Variants in DHX34 observed in about 807,000 individuals in gnomAD.
The protein encoded by DHX34 is DExH-box helicase 34, also known as probable ATP-dependent RNA helicase DHX34.
In DHX34, 96 loss-of-function variants were observed where a neutral mutation model predicts 111.1. The ratio of observed to expected loss-of-function variants is 0.86; its 90% CI spans 0.73 to 1.02. The LOEUF (loss-of-function observed/expected upper bound fraction) is 1.02, where lower values mean the gene tolerates loss of function less well. Among genes scored for constraint, DHX34 ranks in the 50% least tolerant of loss-of-function variants. DHX34 has a pLI of 0.00. For synonymous variants in DHX34, 688 were observed against 670.4 expected, an observed-to-expected ratio of 1.03 and a Z score of -0.41; for missense variants, 1,560 against 1,579.9, an observed-to-expected ratio of 0.99 and a Z score of 0.21.
intron 1 of DHX34, among the ~76,000 whole-genome samples, chr19:47,350,982 C>T (rs997461185): frequency 5.9e-5 from 9 of 151,844 alleles, no homozygotes; most frequent in African/African-American, 2.2e-4. Context: ...CACTGAAGGC[C>T]ATGAGCCCAG....
chr19:47,370,916 C>T (rs767412632), intron 7 of DHX34, among the ~76,000 whole-genome samples: 3 of 152,170 alleles, frequency 2.0e-5, no homozygotes, highest in Non-Finnish European at 4.4e-5. Context: ...TCAAGTGATC[C>T]GCCAGCCTCG....
intron 6 of DHX34, among the ~76,000 whole-genome samples, chr19:47,365,060 C>T (rs929852231): frequency 6.6e-6 from 1 of 151,942 alleles, no homozygotes; most frequent in Non-Finnish European, 1.5e-5. Context: ...TCAGCAGAAC[C>T]GGGTCATATG....
At chr19:47,380,013 C>G (rs749529027) in intron 14 of DHX34, 28 bp downstream of exon 14, 41 of 1,551,506 alleles carry the variant, frequency 2.6e-5, no homozygotes, top group African/African-American at 2.4e-4. Flanking sequence ...GCCCGTGCCT[C>G]CCTATGGCCA....
chr19:47,356,031 A>G (rs1293837503), intron 3 of DHX34, among the ~76,000 whole-genome samples: 2 of 152,156 alleles, frequency 1.3e-5, no homozygotes, highest in East Asian at 3.8e-4. Context: ...CAAAGTCAGC[A>G]AGATTGACAT....
intron 7 of DHX34, among the ~76,000 whole-genome samples, chr19:47,371,215 G>A (rs1010241212): frequency 1.1e-4 from 17 of 152,214 alleles, no homozygotes; most frequent in African/African-American, 3.9e-4. Context: ...GGAGGTGATG[G>A]TAAATGCCTC....
Position 47,375,969 on chromosome 19 carries a change from G to C in DHX34, c.2353G>C (p.Ala785Pro), listed in dbSNP as rs201958568. 1 of 1,603,192 alleles carries C rather than the reference G, an allele frequency of 6.2e-7. No individual in the cohort carries two copies. Among genetic ancestry groups the C allele is most frequent in the Non-Finnish European group, 8.5e-7 (1 of 1,177,546 alleles). The change falls in exon 11 of 17, where the codon GCT (alanine) becomes CCT (proline). Residue 785 changes from alanine to proline, a missense_variant. Physicochemically the swap from Ala to Pro is conservative, Grantham distance 27 (BLOSUM62 -1). Coordinates refer to ENST00000328771, the MANE Select transcript of DHX34 (RefSeq NM_014681.6). ...GCATGACCTGGCGCAGCTGCAGGCC[G>C]CTGCCAGCTCAGCCCAGGACCTGAG... Reference protein sequence around the residue: ...LRHDLAQLQAAASSAQDLSRE... With the variant: ...LRHDLAQLQAPASSAQDLSRE...
intron 13 of DHX34, among the ~76,000 whole-genome samples, chr19:47,378,837 A>G (rs1008517141): frequency 2.6e-5 from 4 of 152,014 alleles, no homozygotes; most frequent in Non-Finnish European, 5.9e-5. Flanking sequence ...ACACTGTCTC[A>G]AAAAATAATA....
intron 9 of DHX34, among the ~76,000 whole-genome samples, chr19:47,375,063 G>C (rs570841540): frequency 9.2e-5 from 14 of 152,284 alleles, no homozygotes; most frequent in African/African-American, 3.1e-4. Context: ...GGTCGTTCTG[G>C]GATGAGGCCC....
rs559470815 is a variant in DHX34 at position 47,377,612 on chromosome 19, C to T, written c.2706+406C>T. Among the ~76,000 whole-genome samples the T allele has an allele frequency of 4.6e-5, 7 of 151,734 alleles. No homozygotes were observed. The South Asian group carries it at 6.3e-4, about 14-fold the overall frequency. On this transcript the variant is annotated intron_variant, in intron 13 of 16. Transcript: ENST00000328771. ...CCAGGCAGAGACCCAAAGAGGAGAGCGTGTGGATCTCGGGGCAGAGTGTTC... is the reference window on the plus strand; with the variant it reads ...CCAGGCAGAGACCCAAAGAGGAGAGTGTGTGGATCTCGGGGCAGAGTGTTC...
At position 47,357,954 on chromosome 19, in the gene DHX34, T is replaced by C. The variant is rs372827547; in HGVS notation, c.1106T>C (p.Ile369Thr). Residue 369 changes from isoleucine to threonine, a missense_variant, in exon 4 of 17, where the codon ATT (isoleucine) becomes ACT (threonine). Transcript: ENST00000328771. ...CCTTTCCTGAGGGTGCTGGAGTCCA[T>C]TGACCACAAGTACCCGCCTGAGGAG... ...PRPFLRVLES[I>T]DHKYPPEERG... The C allele has an allele frequency of 6.6e-5, 106 of 1,613,934 alleles. No homozygotes were observed. The highest frequency in any genetic ancestry group is 1.0e-4 in the Admixed American group (6 of 60,008).
At chr19:47,380,750 A>C in intron 14 of DHX34, 66 bp from the exon 15 acceptor site, 1 of 1,600,896 alleles carries the variant, frequency 6.2e-7, no homozygotes, top group Non-Finnish European at 8.5e-7. Context: ...GCACAGCTGG[A>C]TCCAGGTGCT....
At chr19:47,377,009 C>G (rs540897379) in intron 12 of DHX34, 91 bp from the exon 13 acceptor site, 27 of 1,596,616 alleles carry the variant, frequency 1.7e-5, no homozygotes, top group Non-Finnish European at 2.2e-5. Context: ...CTCTTTCTAT[C>G]GATGTGTACT....
rs116929380 is a variant in DHX34, at chr19:47,381,432, C to A, written c.3298+108C>A. ...TTGCTAGAGCTTCGAGGACTGACGA[C>A]CTCCACCCGCTGGCCCTGGCTGGTG... On this transcript the variant is annotated intron_variant, in intron 16 of 16. Transcript: ENST00000328771. The A allele has an allele frequency of 3.2e-4, 459 of 1,450,708 alleles. 2 individuals are homozygous for A. In the East Asian group the frequency reaches 6.4e-3, roughly 20 times the overall value. 89.9% of individuals were successfully genotyped at this position (1,450,708 alleles called of 1,614,324 possible).
In DHX34 at chr19:47,381,264, C is replaced by A. The variant is rs768658048; in HGVS notation, c.3238C>A (p.Pro1080Thr). The change falls in exon 16 of 17, where the codon CCC (proline) becomes ACC (threonine). Residue 1080 changes from proline (P) to threonine (T), a missense_variant. Physicochemically the swap from Pro to Thr is conservative, Grantham distance 38 (BLOSUM62 -1). Transcript: ENST00000328771. ...CTGTGGCCTGCATGCGCCCCTCACG[C>A]CCCTGGAGCGCATCGCCCATGAGAA... ...PHCGLHAPLT[P>T]LERIAHENTC... The A allele has an allele frequency of 1.9e-6, 3 of 1,614,054 alleles. No homozygotes were observed. In the Admixed American group the frequency reaches 5.0e-5, roughly 27 times the overall value.
chr19:47,350,806 C>G (rs1298161512), intron 1 of DHX34, among the ~76,000 whole-genome samples: 1 of 151,832 alleles, frequency 6.6e-6, no homozygotes, highest in African/African-American at 2.4e-5. Flanking sequence ...AGTTGGATTA[C>G]AGAGAAAAAT....
At position 47,372,762 on chromosome 19, in the gene DHX34, C is replaced by G. The variant is rs758636977; in HGVS notation, c.1801C>G (p.Leu601Val). The G allele has an allele frequency of 8.7e-6, 14 of 1,611,918 alleles. No individual in the cohort carries two copies. Among genetic ancestry groups the G allele is most frequent in the African/African-American group, 1.3e-5 (1 of 74,868 alleles). Residue 601 changes from leucine to valine, a missense_variant, in exon 8 of 17, where the codon CTG (leucine) becomes GTG (valine). Leu to Val is a conservative substitution (Grantham distance 32). Transcript: ENST00000328771. ...KMLILGSMFSLVEPVLTIAAA... is the reference protein window; with the variant it reads ...KMLILGSMFSVVEPVLTIAAA... ...GCTGATCCTGGGCTCCATGTTCAGC[C>G]TGGTGGAGCCTGTGCTCACCATCGC...
At position 47,368,866 on chromosome 19, in the gene DHX34, A is replaced by C. The variant is rs1028548573; in HGVS notation, c.1768+1711A>C. Among the ~76,000 whole-genome samples, 6 of 151,956 alleles carry C rather than the reference A, an allele frequency of 3.9e-5. No individual in the cohort carries two copies. In the East Asian group the frequency reaches 5.8e-4, roughly 15 times the overall value. On this transcript the variant is annotated intron_variant, in intron 7 of 16. Transcript: ENST00000328771. ...GTAGCTGAGACTGTAGGTGCCCGCC[A>C]TCATACCTGGCTAATTTTTGTTTTG...
chr19:47,380,652 G>C lies in DHX34; in HGVS notation c.2983-164G>C, dbSNP rs1970322721. The stretch of plus-strand genomic sequence containing the variant: ...TGGGTTATCAGGTATATTCTAGACA[G>C]ACCCCTGGTCATGTGTGTCTGCAGC... On this transcript the variant is annotated intron_variant, in intron 14 of 16. Transcript: ENST00000328771. 8 of 985,246 alleles carry C rather than the reference G, an allele frequency of 8.1e-6. No homozygotes were observed. In the South Asian group the frequency reaches 3.8e-4, roughly 46 times the overall value. 61.0% of individuals were successfully genotyped at this position (985,246 alleles called of 1,614,324 possible).
Position 47,372,855 on chromosome 19 carries a change from C to A in DHX34, c.1894C>A (p.Arg632=). Residue 632 remains arginine, a synonymous_variant, in exon 8 of 17, where the codon CGG becomes AGG. Transcript: ENST00000328771. The stretch of plus-strand genomic sequence containing the variant: ...GAGCAGCCCAGAGTGCGCGGCAGCA[C>A]GGCGGCCGCTGGAGAGCGACCAGGG... The part of the protein sequence containing the change: ...AQSSPECAAA[R]RPLESDQGDP... The A allele has an allele frequency of 6.2e-7, 1 of 1,611,578 alleles. No homozygotes were observed. Among genetic ancestry groups the A allele is most frequent in the Non-Finnish European group, 8.5e-7 (1 of 1,179,344 alleles).
Sources: allele counts gnomAD v4.1 joint callset (sites outside exome capture counted in the v4.1 genomes callset), GRCh38; gene constraint gnomAD v4.1.1; transcripts MANE v1.5; gene names NCBI Gene and HGNC (gene_info 2026-07-23, HGNC 2026-07-21).